Variants in SYTL5 observed in about 807,000 individuals in gnomAD.
SYTL5 encodes the protein synaptotagmin like 5, also known as synaptotagmin-like protein 5.
Under a neutral mutation model 55.9 loss-of-function variants are expected in SYTL5, and 34 were observed. The ratio of observed to expected loss-of-function variants is 0.61; its 90% confidence interval spans 0.46 to 0.81. The LOEUF is 0.81. SYTL5 is among the 30% of genes least tolerant of loss of function. The pLI is 0.00. For missense variants in SYTL5, 637 were observed against 546.7 expected (o/e 1.17, Z -1.65); for synonymous variants, 221 against 188.7 (o/e 1.17, Z -1.40).
chrX:37,959,823 C>T, the SYTL5 span, among the ~76,000 whole-genome samples: 2 of 111,894 alleles, frequency 1.8e-5, no homozygotes, highest in African/African-American at 6.5e-5. Flanking sequence ...TGTAGCGGCT[C>T]TCTGCTGTGG....
intron 2 of SYTL5, among the ~76,000 whole-genome samples, chrX:38,039,630 T>G (rs775993875): frequency 1.8e-5 from 2 of 112,049 alleles, no homozygotes; most frequent in South Asian, 7.4e-4. Flanking sequence ...TGAATATTCA[T>G]TTCAGCAGTA....
upstream of SYTL5, among the ~76,000 whole-genome samples, chrX:38,002,709 G>A (rs1163567293): frequency 1.3e-4 from 14 of 111,843 alleles, no homozygotes; most frequent in African/African-American, 2.6e-4. Context: ...TTTTGATGGG[G>A]TTGTTTGTCT....
intron 9 of SYTL5, among the ~76,000 whole-genome samples, chrX:38,097,671 CA>C (rs1456752528): frequency 9.1e-6 from 1 of 109,769 alleles, no homozygotes; most frequent in African/African-American, 3.3e-5. Context: ...AATCAAAATA[CA>C]AGCAGGATAA....
chrX:38,020,210 C>T (rs1320040634), intron 1 of SYTL5, among the ~76,000 whole-genome samples: 1 of 108,690 alleles, frequency 9.2e-6, no homozygotes, highest in Non-Finnish European at 1.9e-5. Flanking sequence ...GGTAATATGG[C>T]TATAAGATAT....
chrX:38,112,188 A>G (rs1937375828), intron 13 of SYTL5, among the ~76,000 whole-genome samples: 1 of 111,521 alleles, frequency 9.0e-6, no homozygotes, highest in Non-Finnish European at 1.9e-5. Flanking sequence ...CCTCCACCTG[A>G]GACTCTCTTT....
the SYTL5 span, among the ~76,000 whole-genome samples, chrX:37,905,438 T>C: frequency 6.5e-5 from 3 of 46,247 alleles, no homozygotes; most frequent in African/African-American, 1.6e-4. Context: ...TGTGTGTGTG[T>C]GGGGGGGGCG....
intron 1 of SYTL5, among the ~76,000 whole-genome samples, chrX:38,027,686 AATT>A (rs1430163807): frequency 8.9e-6 from 1 of 112,201 alleles, no homozygotes; most frequent in Non-Finnish European, 1.9e-5. Flanking sequence ...CAGCAAGAAT[AATT>A]ATTTTTCACA....
intron 13 of SYTL5, among the ~76,000 whole-genome samples, chrX:38,111,320 G>A (rs2147643303): frequency 9.0e-6 from 1 of 111,540 alleles, no homozygotes; most frequent in South Asian, 3.9e-4. Context: ...ATATAATCGT[G>A]GGATGTAGCT....
the SYTL5 span, among the ~76,000 whole-genome samples, chrX:37,905,182 A>G: frequency 9.0e-6 from 1 of 110,930 alleles, no homozygotes; most frequent in Non-Finnish European, 1.9e-5. Context: ...CAAATTAGGA[A>G]GGTGACCCCT....
intron 1 of SYTL5, among the ~76,000 whole-genome samples, chrX:38,016,625 C>A (rs1425659663): frequency 1.8e-5 from 2 of 111,852 alleles, no homozygotes; most frequent in Non-Finnish European, 3.8e-5. Context: ...TCAGTTAGGT[C>A]ATGTCTCTAT....
intron 13 of SYTL5, among the ~76,000 whole-genome samples, chrX:38,117,495 C>T (rs762312670): frequency 2.1e-4 from 24 of 112,184 alleles, no homozygotes; most frequent in Admixed American, 6.6e-4. Context: ...AAAGCAAACA[C>T]AGCCTGCTCT....
At chrX:38,046,389 G>A (rs5918458) in intron 2 of SYTL5, among the ~76,000 whole-genome samples, 46,405 of 110,612 alleles carry the variant, frequency 0.42, 9,629 homozygotes, top group African/African-American at 0.81. Context: ...TGAGAGGCAC[G>A]TCTCACATGG....
At chrX:38,100,033 T>G (rs1444633254) in intron 9 of SYTL5, among the ~76,000 whole-genome samples, 1 of 111,315 alleles carries the variant, frequency 9.0e-6, no homozygotes, top group Non-Finnish European at 1.9e-5. Context: ...CAATTTTCCC[T>G]TTTTTTGGTA....
chrX:37,953,638 T>C, the SYTL5 span, among the ~76,000 whole-genome samples: 1 of 111,136 alleles, frequency 9.0e-6, no homozygotes, highest in African/African-American at 3.3e-5. Context: ...AAAAGGAGTT[T>C]TTTCCTTGTT....
the SYTL5 span, among the ~76,000 whole-genome samples, chrX:37,992,711 G>A: frequency 8.0e-5 from 9 of 112,513 alleles, no homozygotes; most frequent in African/African-American, 2.9e-4. Flanking sequence ...TGACCACTGG[G>A]GACTTAGGCC....
At chrX:38,034,327 C>T (rs1436502333) in intron 2 of SYTL5, among the ~76,000 whole-genome samples, 1 of 112,442 alleles carries the variant, frequency 8.9e-6, no homozygotes, top group Non-Finnish European at 1.9e-5. Context: ...TGACTTTGAG[C>T]AAGCTACTCA....
the SYTL5 span, among the ~76,000 whole-genome samples, chrX:37,978,396 C>T: frequency 1.8e-5 from 2 of 111,713 alleles, no homozygotes; most frequent in African/African-American, 3.3e-5. Flanking sequence ...CAGTTTTCAA[C>T]ATGTGATTGA....
At chrX:38,124,348 A>G (rs1937604728) in intron 15 of SYTL5, among the ~76,000 whole-genome samples, 1 of 112,007 alleles carries the variant, frequency 8.9e-6, no homozygotes, top group Non-Finnish European at 1.9e-5. Flanking sequence ...GGAGATAATA[A>G]GCAGTCTTTG....
In SYTL5 at chrX:38,076,579, C is replaced by G. The variant is rs1281223177; in HGVS notation, c.567C>G (p.Ser189Arg). 1 of 1,195,976 alleles carries G rather than the reference C, an allele frequency of 8.4e-7. No individual in the cohort carries two copies. The highest frequency in any genetic ancestry group is 2.2e-5 in the Admixed American group (1 of 44,636). ...TATATAATTTCAGATTTCTTCTTAG[C>G]AAGTTCAGATCGGCAACCAGAGGAG... ...DGPKRKGFLL[S>R]KFRSATRGEI... Residue 189 changes from serine to arginine, a missense_variant, in exon 6 of 17, where the codon AGC becomes AGG. Transcript: ENST00000297875.
Sources: gnomAD v4.1 joint callset for allele counts (sites outside exome capture counted in the v4.1 genomes callset) on GRCh38, gnomAD v4.1.1 for gene constraint, MANE v1.5 for transcripts, NCBI Gene and HGNC (gene_info 2026-07-23, HGNC 2026-07-21) for gene names.